Variants in TRPM3 observed in about 807,000 individuals in gnomAD.
TRPM3 encodes the protein long transient receptor potential channel 3.
In TRPM3, 77 loss-of-function variants were observed where a neutral mutation model predicts 181.2. The ratio of observed to expected loss-of-function variants is 0.42; its 90% confidence interval spans 0.35 to 0.51. The LOEUF is 0.51. TRPM3 is among the 20% of genes least tolerant of loss of function. TRPM3 has a pLI of 0.01. For synonymous variants in TRPM3, 745 were observed against 796.4 expected (o/e 0.94, Z 1.09); for missense variants, 1,759 against 2,196.7 (o/e 0.80, Z 3.98).
chr9:70,890,853 G>A (rs533048711), intron 1 of TRPM3, among the ~76,000 whole-genome samples: 30 of 152,136 alleles, frequency 2.0e-4, no homozygotes, highest in Admixed American at 1.6e-3. Context: ...TAAAAGGATA[G>A]AAAAGCAAAG....
chr9:70,546,530 G>T (rs1487295648), intron 25 of TRPM3, among the ~76,000 whole-genome samples: 1 of 152,136 alleles, frequency 6.6e-6, no homozygotes, highest in Non-Finnish European at 1.5e-5. Flanking sequence ...TCCTTAGTGC[G>T]TGGCTTACTG....
At chr9:70,922,293 A>G (rs957109030) in intron 1 of TRPM3, among the ~76,000 whole-genome samples, 1 of 152,104 alleles carries the variant, frequency 6.6e-6, no homozygotes, top group African/African-American at 2.4e-5. Flanking sequence ...CCCTCCCCAC[A>G]AATCCTGTCC....
At chr9:70,580,570 C>T (rs2055370302) in intron 22 of TRPM3, among the ~76,000 whole-genome samples, 1 of 152,170 alleles carries the variant, frequency 6.6e-6, no homozygotes, top group Non-Finnish European at 1.5e-5. Flanking sequence ...GAGGCTAGTT[C>T]CAGGCTGGCC....
intron 1 of TRPM3, among the ~76,000 whole-genome samples, chr9:71,320,165 AGGGAG>A (rs2089067173): frequency 1.3e-5 from 2 of 152,114 alleles, no homozygotes; most frequent in Non-Finnish European, 2.9e-5. Flanking sequence ...GAACAGCAAT[AGGGAG>A]TTTCTTCTGG....
chr9:70,834,479 C>T (rs1459190147), intron 5 of TRPM3, among the ~76,000 whole-genome samples: 3 of 152,188 alleles, frequency 2.0e-5, no homozygotes, highest in Non-Finnish European at 4.4e-5. Context: ...TAAAAAATAT[C>T]TCCAGCAATT....
rs1260468341 is a variant in TRPM3 at position 70,536,300 on chromosome 9, G to A, written c.4813C>T (p.Pro1605Ser). Reference protein sequence around the residue: ...HPEREAELSHPSSDSEENEAK... With the variant: ...HPEREAELSHSSSDSEENEAK... Reference sequence around the variant, plus strand: ...TCATTCTCCTCACTGTCAGAGCTGGGGTGACTCAGTTCTGCTTCTCGCTCT... The same window carrying A: ...TCATTCTCCTCACTGTCAGAGCTGGAGTGACTCAGTTCTGCTTCTCGCTCT... Residue 1605 changes from proline to serine, a missense_variant, in exon 26 of 26, where the codon CCC becomes TCC. By Grantham distance (74) the Pro-to-Ser change is moderately conservative (BLOSUM62 -1). Coordinates refer to ENST00000677713, the MANE Select transcript of TRPM3 (RefSeq NM_001366145.2). The A allele has an allele frequency of 1.2e-6, 2 of 1,614,170 alleles. No homozygotes were observed. The highest frequency in any genetic ancestry group is 3.3e-5 in the Admixed American group (2 of 60,020).
At chr9:71,295,627 C>T (rs1447307639) in intron 1 of TRPM3, among the ~76,000 whole-genome samples, 1 of 151,496 alleles carries the variant, frequency 6.6e-6, no homozygotes, top group Non-Finnish European at 1.5e-5. Context: ...CCCAGGAGTT[C>T]CAGACCAGCC....
intron 1 of TRPM3, among the ~76,000 whole-genome samples, chr9:71,240,524 T>C (rs2081601441): frequency 6.6e-6 from 1 of 152,214 alleles, no homozygotes; most frequent in South Asian, 2.1e-4. Flanking sequence ...ATTAGTTTGA[T>C]ATATTTTATC....
At chr9:71,305,741 C>T (rs148823561) in intron 1 of TRPM3, among the ~76,000 whole-genome samples, 163 of 152,256 alleles carry the variant, frequency 1.1e-3, no homozygotes, top group African/African-American at 3.8e-3. Context: ...TAGGAAAGCG[C>T]TAACAGGTGA....
intron 1 of TRPM3, among the ~76,000 whole-genome samples, chr9:71,061,025 C>T (rs758554100): frequency 6.6e-6 from 1 of 152,010 alleles, no homozygotes; most frequent in Admixed American, 6.6e-5. Flanking sequence ...CTTTATCCCT[C>T]TAAAAAGAGG....
intron 1 of TRPM3, among the ~76,000 whole-genome samples, chr9:70,908,522 A>G (rs1287656635): frequency 6.6e-6 from 1 of 152,244 alleles, no homozygotes; most frequent in Non-Finnish European, 1.5e-5. Flanking sequence ...GGAAAACAAT[A>G]CTGAAAGAAA....
At chr9:70,799,454 C>T (rs888126526) in intron 6 of TRPM3, among the ~76,000 whole-genome samples, 8 of 152,178 alleles carry the variant, frequency 5.3e-5, no homozygotes, top group Admixed American at 1.3e-4. Flanking sequence ...CTAATCTGAT[C>T]GAATCTTTCC....
At chr9:71,024,630 C>A (rs953638923) in intron 1 of TRPM3, among the ~76,000 whole-genome samples, 2 of 152,300 alleles carry the variant, frequency 1.3e-5, no homozygotes, top group Non-Finnish European at 2.9e-5. Context: ...CTTCTCTATG[C>A]CTCAGGTCTT....
At chr9:71,247,434 T>A (rs73469327) in intron 1 of TRPM3, among the ~76,000 whole-genome samples, 1 of 150,402 alleles carries the variant, frequency 6.6e-6, no homozygotes, top group African/African-American at 2.5e-5. Context: ...CATTGCATAC[T>A]GAGTAAAGGA....
intron 22 of TRPM3, among the ~76,000 whole-genome samples, chr9:70,558,723 C>T (rs1047511445): frequency 5.9e-5 from 9 of 152,128 alleles, no homozygotes; most frequent in Non-Finnish European, 4.4e-5. Flanking sequence ...ATTCTAGAAG[C>T]TGGTCATAGC....
chr9:71,421,525 A>G (rs1026900718), intron 1 of TRPM3, among the ~76,000 whole-genome samples: 1 of 151,932 alleles, frequency 6.6e-6, no homozygotes, highest in African/African-American at 2.4e-5. Flanking sequence ...TGCAGACATC[A>G]TCAGAGGAAT....
intron 1 of TRPM3, among the ~76,000 whole-genome samples, chr9:71,392,092 A>C (rs1375833003): frequency 1.3e-5 from 2 of 152,158 alleles, no homozygotes; most frequent in African/African-American, 4.8e-5. Flanking sequence ...AGAAACTAAA[A>C]AGAGAAAAGC....
chr9:71,348,009 T>A (rs2091391527), intron 1 of TRPM3, among the ~76,000 whole-genome samples: 1 of 152,030 alleles, frequency 6.6e-6, no homozygotes, highest in African/African-American at 2.4e-5. Context: ...TCCCATGAGC[T>A]TTAAGGAATA....
At chr9:70,840,689 T>C (rs1181536734) in intron 5 of TRPM3, among the ~76,000 whole-genome samples, 1 of 152,118 alleles carries the variant, frequency 6.6e-6, no homozygotes, top group African/African-American at 2.4e-5. Context: ...GGTAGAAGAA[T>C]CAGAAGTGAT....
Sources: allele counts gnomAD v4.1 joint callset (sites outside exome capture counted in the v4.1 genomes callset), GRCh38; gene constraint gnomAD v4.1.1; transcripts MANE v1.5; gene names NCBI Gene and HGNC (gene_info 2026-07-23, HGNC 2026-07-21).